Variants in SCYL3 observed in about 807,000 individuals in gnomAD.
SCYL3 encodes SCY1 like pseudokinase 3, also known as protein-associating with the carboxyl-terminal domain of ezrin.
In SCYL3, 35 loss-of-function variants were observed where a neutral mutation model predicts 73.8. That is an observed-to-expected ratio of 0.47 (90% CI 0.36 to 0.63). SCYL3 has a LOEUF of 0.63. Among genes scored for constraint, SCYL3 ranks in the 20% least tolerant of loss-of-function variants. SCYL3 has a pLI of 0.00. For synonymous variants in SCYL3, 277 were observed against 295.2 expected, an observed-to-expected ratio of 0.94 and a Z score of 0.63; for missense variants, 712 against 798.9, an observed-to-expected ratio of 0.89 and a Z score of 1.31.
Position 169,878,664 on chromosome 1 carries a change from T to G in SCYL3, c.321A>C (p.Ile107=). 6.2e-7 allele frequency: 1 copy of G among 1,613,478 alleles called. No homozygotes were observed. Among genetic ancestry groups the G allele is most frequent in the Non-Finnish European group, 8.5e-7 (1 of 1,179,832 alleles). Residue 107 remains isoleucine, a synonymous_variant, in exon 3 of 13, where the codon ATA becomes ATC. Coordinates refer to ENST00000367771, the MANE Select transcript of SCYL3 (RefSeq NM_020423.7). The part of the protein sequence containing the change: ...SAEVCAGIYD[I]LLALIFLHDR... ...CATGAAGGAAGATAAGAGCCAGCAATATGTCATAGATCCCAGCACAGACCT... is the reference window on the plus strand; with the variant it reads ...CATGAAGGAAGATAAGAGCCAGCAAGATGTCATAGATCCCAGCACAGACCT...
At chr1:169,873,295 G>A (rs1223796480) in intron 5 of SCYL3, among the ~76,000 whole-genome samples, 1 of 152,194 alleles carries the variant, frequency 6.6e-6, no homozygotes, top group African/African-American at 2.4e-5. Context: ...TGTGAGAAGT[G>A]CCTTTCACCT....
Position 169,866,913 on chromosome 1 carries a change from C to T in SCYL3, c.798G>A (p.Glu266=), listed in dbSNP as rs1162331906. ...LKSLTLKSEE[E]KTEFFKFLLD... Reference sequence around the variant, plus strand: ...GAACTTACTTAAAGAATTCCGTTTTCTCCTCTTCACTCTTCAATGTTAAAC... The same window carrying T: ...GAACTTACTTAAAGAATTCCGTTTTTTCCTCTTCACTCTTCAATGTTAAAC... Residue 266 remains glutamate (E), a synonymous_variant, in exon 8 of 13, where the codon GAG becomes GAA. Coordinates refer to ENST00000367771, the MANE Select transcript of SCYL3 (RefSeq NM_020423.7). 1 of 1,571,556 alleles carries T rather than the reference C, an allele frequency of 6.4e-7. No homozygotes were observed. The highest frequency in any genetic ancestry group is 2.2e-5 in the East Asian group (1 of 44,544).
intron 8 of SCYL3, among the ~76,000 whole-genome samples, chr1:169,864,728 G>A (rs941251485): frequency 6.6e-6 from 1 of 152,126 alleles, no homozygotes; most frequent in Non-Finnish European, 1.5e-5. Flanking sequence ...GGGCGGCCGC[G>A]GCGGGCAGAT....
At chr1:169,858,049 A>T (rs959390918) in intron 11 of SCYL3, among the ~76,000 whole-genome samples, 1 of 152,230 alleles carries the variant, frequency 6.6e-6, no homozygotes, top group Non-Finnish European at 1.5e-5. Context: ...ACTGTACACT[A>T]CCATACAGTT....
intron 5 of SCYL3, among the ~76,000 whole-genome samples, chr1:169,873,004 T>TG (rs34281607): frequency 6.6e-6 from 1 of 152,078 alleles, no homozygotes; most frequent in African/African-American, 2.4e-5. Context: ...GTGAAGACTT[T>TG]GGGGGACTGT....
chr1:169,855,092 C>T (rs925959825), intron 11 of SCYL3, 128 bp from the exon 12 acceptor site: 3 of 631,746 alleles, frequency 4.7e-6, no homozygotes, highest in Non-Finnish European at 8.0e-6. Flanking sequence ...GCATACTAAA[C>T]AAAAGAGATC....
Position 169,854,879 on chromosome 1 carries a change from T to C in SCYL3, c.1398A>G (p.Pro466=). ...KNTSEDSENF[P]SSSKKSEEWP... ...ACTCCTCAGACTTTTTAGAACTTGA[T>C]GGGAAGTTTTCACTGTCCTCCGAAG... The change falls in exon 12 of 13, where the codon CCA becomes CCG. Residue 466 remains proline, a synonymous_variant. Transcript: ENST00000367771. 6.2e-7 allele frequency: 1 copy of C among 1,613,976 alleles called. No individual in the cohort carries two copies. The highest frequency in any genetic ancestry group is 8.5e-7 in the Non-Finnish European group (1 of 1,179,874).
chr1:169,852,766 A>T lies in SCYL3; in HGVS notation c.*947T>A, dbSNP rs1227705565. On this transcript the variant is annotated 3_prime_UTR_variant, in exon 13 of 13. Transcript: ENST00000367771. Reference sequence around the variant, plus strand: ...CTTTATATTTAGAATGGATATTGTGATATTACTTATGTTTTTTTTCCAGCC... The same window carrying T: ...CTTTATATTTAGAATGGATATTGTGTTATTACTTATGTTTTTTTTCCAGCC... 1 of 1,609,798 alleles carries T rather than the reference A, an allele frequency of 6.2e-7. No individual in the cohort carries two copies. Among genetic ancestry groups the T allele is most frequent in the Non-Finnish European group, 8.5e-7 (1 of 1,176,972 alleles).
chr1:169,854,752 A>G lies in SCYL3; in HGVS notation c.1525T>C (p.Leu509=). Residue 509 remains leucine, a synonymous_variant, in exon 12 of 13, where the codon TTG becomes CTG. Coordinates refer to ENST00000367771, the MANE Select transcript of SCYL3 (RefSeq NM_020423.7). ...CDDVKSQCTT[L]DVEESSWDDC... is the part of the protein sequence containing the mutation. Reference sequence around the variant, plus strand: ...TCCCAAGATGACTCTTCCACATCCAAGGTAGTGCACTGGGACTTGACATCA... The same window carrying G: ...TCCCAAGATGACTCTTCCACATCCAGGGTAGTGCACTGGGACTTGACATCA... The G allele has an allele frequency of 6.2e-7, 1 of 1,614,028 alleles. No homozygotes were observed. The highest frequency in any genetic ancestry group is 8.5e-7 in the Non-Finnish European group (1 of 1,179,938).
intron 9 of SCYL3, 99 bp from the exon 10 acceptor site, chr1:169,862,896 T>C: frequency 9.3e-7 from 1 of 1,069,784 alleles, no homozygotes; most frequent in South Asian, 1.5e-5. Flanking sequence ...ACTACACATA[T>C]TCTAAGTACT....
In SCYL3 at chr1:169,888,665, T is replaced by C. The variant is rs534196099; in HGVS notation, c.165+11A>G. 1.2e-5 allele frequency: 19 copies of C among 1,610,086 alleles called. No individual in the cohort carries two copies. The highest frequency in any genetic ancestry group is 1.2e-4 in the Admixed American group (7 of 59,674). ...AAGTACTAACTATTAAGTCGTCACCTATTATGGTACCTTGGCAGCTTTATT... is the reference window on the plus strand; with the variant it reads ...AAGTACTAACTATTAAGTCGTCACCCATTATGGTACCTTGGCAGCTTTATT... On this transcript the variant is annotated intron_variant, in intron 2 of 12. Transcript: ENST00000367771.
At position 169,870,236 on chromosome 1, in the gene SCYL3, T is replaced by C. The variant is rs200089193; in HGVS notation, c.625+19A>G. ...TTTCCTACTTATTCTATAGATGCAG[T>C]AGTATAACTCCAACTCACCCTGTTC... On this transcript the variant is annotated intron_variant, in intron 6 of 12. Transcript: ENST00000367771. 37 of 1,519,228 alleles carry C rather than the reference T, an allele frequency of 2.4e-5. No individual in the cohort carries two copies. The Admixed American group carries it at 6.2e-4, about 26-fold the overall frequency. The allele number at this position is 1,519,228 out of a possible 1,614,324, so 94.1% of individuals were successfully genotyped here. A position where few individuals can be genotyped will look rare whatever the true frequency, so the allele number is the denominator to read the frequency against.
intron 9 of SCYL3, among the ~76,000 whole-genome samples, chr1:169,863,215 T>C (rs1031978449): frequency 4.6e-5 from 7 of 152,258 alleles, no homozygotes; most frequent in Middle Eastern, 3.4e-3. Context: ...CCGGCCAGTA[T>C]TCTTCTAAAT....
chr1:169,864,649 T>C, intron 8 of SCYL3, 141 bp from the exon 9 acceptor site: 1 of 899,934 alleles, frequency 1.1e-6, no homozygotes, highest in East Asian at 2.9e-5. Context: ...GTGAACAGAT[T>C]GGTCCCCAAG....
intron 3 of SCYL3, among the ~76,000 whole-genome samples, chr1:169,877,822 G>A (rs993629297): frequency 3.9e-5 from 6 of 152,144 alleles, no homozygotes; most frequent in African/African-American, 7.2e-5. Flanking sequence ...AATAATTCTC[G>A]TTATCATGCG....
At chr1:169,875,167 A>C (rs1321335625) in intron 4 of SCYL3, among the ~76,000 whole-genome samples, 1 of 152,254 alleles carries the variant, frequency 6.6e-6, no homozygotes, top group Admixed American at 6.5e-5. Flanking sequence ...CCATGAAGGT[A>C]CACGTTAGAC....
intron 5 of SCYL3, among the ~76,000 whole-genome samples, chr1:169,871,386 T>C (rs1252033408): frequency 6.6e-6 from 1 of 152,250 alleles, no homozygotes; most frequent in Non-Finnish European, 1.5e-5. Context: ...TCTCTTCTCT[T>C]GTCTGCCACC....
At chr1:169,893,541 C>T (rs1662233019) in intron 1 of SCYL3, among the ~76,000 whole-genome samples, 1 of 152,134 alleles carries the variant, frequency 6.6e-6, no homozygotes, top group African/African-American at 2.4e-5. Flanking sequence ...GCGGGCGCCT[C>T]ACCCGTCGGG....
rs1014243298 is a variant in SCYL3, at chr1:169,851,087, TATTCTC to T, written c.*2620_*2625del. 5.8e-5 allele frequency: 8 copies of T among 138,210 alleles called. No homozygotes were observed. The highest frequency in any genetic ancestry group is 8.2e-5 in the African/African-American group (3 of 36,406). 8.6% of individuals were successfully genotyped at this position (138,210 alleles called of 1,614,324 possible). ...TTTTTTTTTTTTGGCATGGCTTTTT[TATTCTC>T]TTTGCAGCCAAGACCTGTTTTTACA... On this transcript the variant is annotated 3_prime_UTR_variant, in exon 13 of 13. Coordinates refer to ENST00000367771, the MANE Select transcript of SCYL3 (RefSeq NM_020423.7).
Sources: allele counts gnomAD v4.1 joint callset (sites outside exome capture counted in the v4.1 genomes callset), GRCh38; gene constraint gnomAD v4.1.1; transcripts MANE v1.5; gene names NCBI Gene and HGNC (gene_info 2026-07-23, HGNC 2026-07-21).